CHD6: variants seen among roughly 807,000 people sequenced by gnomAD.
The protein encoded by CHD6 is chromodomain helicase DNA binding protein 6, also known as ATP-dependent chromatin remodeler CHD6.
CHD6 carries 50 observed loss-of-function variants against 276.9 expected under a neutral mutation model. The observed-to-expected ratio is 0.18, with a 90% confidence interval of 0.14 to 0.23. CHD6 has a LOEUF of 0.23. Ranked by LOEUF, CHD6 falls within the 10% of genes least tolerant of loss-of-function variation. The pLI is 1.00. For missense variants in CHD6, 2,564 were observed against 3,365.8 expected, an observed-to-expected ratio of 0.76 and a Z score of 5.89; for synonymous variants, 1,173 against 1,229.3, an observed-to-expected ratio of 0.95 and a Z score of 0.96.
rs183333312 is a variant in CHD6, at chr20:41,616,118, T to C, written c.-24+2222A>G. Among the ~76,000 whole-genome samples the C allele has an allele frequency of 7.1e-4, 108 of 152,356 alleles. No individual in the cohort carries two copies. The East Asian group carries it at 0.019, about 26-fold the overall frequency. ...TAACTGCCAAAGGTTCTTCCAGAAA[T>C]GCAGCAGTTAGTCGTATTTCTCCCA... On this transcript the variant is annotated intron_variant, in intron 1 of 36. Transcript: ENST00000373233.
intron 1 of CHD6, among the ~76,000 whole-genome samples, chr20:41,564,852 C>T (rs566338268): frequency 1.3e-4 from 20 of 152,190 alleles, no homozygotes; most frequent in African/African-American, 4.6e-4. Flanking sequence ...TCTCAAAATG[C>T]CTGGCTAGGC....
At position 41,499,278 on chromosome 20, in the gene CHD6, A is replaced by G; in HGVS notation, c.915+17T>C. On this transcript the variant is annotated intron_variant, in intron 6 of 36. Coordinates refer to ENST00000373233, the MANE Select transcript of CHD6 (RefSeq NM_032221.5). ...TCTGTGCTAATGATATAAAAGCTAG[A>G]AACATGAGCCACCAACCTCCTGGAC... 6.3e-7 allele frequency: 1 copy of G among 1,591,022 alleles called. No individual in the cohort carries two copies. The highest frequency in any genetic ancestry group is 1.1e-5 in the South Asian group (1 of 87,340).
At chr20:41,433,834 T>C (rs2047619853) in intron 27 of CHD6, among the ~76,000 whole-genome samples, 1 of 152,138 alleles carries the variant, frequency 6.6e-6, no homozygotes, top group Non-Finnish European at 1.5e-5. Flanking sequence ...GGAACAAAAA[T>C]GGAAGTAAGG....
At position 41,420,551 on chromosome 20, in the gene CHD6, C is replaced by T. The variant is rs199683062; in HGVS notation, c.6084G>A (p.Glu2028=). The change falls in exon 31 of 37, where the codon GAG becomes GAA. Residue 2028 remains glutamate, a synonymous_variant. Coordinates refer to ENST00000373233, the MANE Select transcript of CHD6 (RefSeq NM_032221.5). ...SELKSEDMDF[E]NKDDYDRDGN... is the part of the protein sequence containing the mutation. The stretch of plus-strand genomic sequence containing the variant: ...CGTCTCTATCATAATCATCTTTATT[C>T]TCAAAATCCATGTCTTCTGATTTGA... 2 of 1,613,768 alleles carry T rather than the reference C, an allele frequency of 1.2e-6. No homozygotes were observed. The highest frequency in any genetic ancestry group is 1.7e-5 in the Admixed American group (1 of 59,998).
At chr20:41,429,278 C>T (rs922857315) in intron 27 of CHD6, among the ~76,000 whole-genome samples, 1 of 152,242 alleles carries the variant, frequency 6.6e-6, no homozygotes, top group Non-Finnish European at 1.5e-5. Context: ...AGGCTCCAGA[C>T]CATTCCAACC....
intron 33 of CHD6, 58 bp downstream of exon 33, chr20:41,416,526 CAGAG>C: frequency 6.8e-7 from 1 of 1,467,796 alleles, no homozygotes; most frequent in African/African-American, 1.4e-5. Context: ...ATGAACTCAA[CAGAG>C]ACGTGGAACA....
At chr20:41,586,235 C>T (rs1044201608) in intron 1 of CHD6, among the ~76,000 whole-genome samples, 7 of 152,178 alleles carry the variant, frequency 4.6e-5, no homozygotes, top group African/African-American at 7.2e-5. Flanking sequence ...GCTGAGCTTT[C>T]GCTCCCTGTC....
chr20:41,536,598 C>T (rs1027190129), intron 2 of CHD6, among the ~76,000 whole-genome samples: 1 of 152,180 alleles, frequency 6.6e-6, no homozygotes, highest in Non-Finnish European at 1.5e-5. Context: ...GTATCTGCTA[C>T]AGAATCTTCT....
chr20:41,555,327 C>T (rs1186214324), intron 1 of CHD6, among the ~76,000 whole-genome samples: 1 of 144,538 alleles, frequency 6.9e-6, no homozygotes, highest in African/African-American at 2.6e-5. Context: ...AGGCGCCCCT[C>T]ACCTCCCGGA....
chr20:41,537,267 C>A (rs184280241), intron 2 of CHD6, among the ~76,000 whole-genome samples: 2 of 152,032 alleles, frequency 1.3e-5, no homozygotes, highest in East Asian at 3.9e-4. Context: ...TGGAGTCAAC[C>A]GAGGATTGAA....
intron 3 of CHD6, among the ~76,000 whole-genome samples, chr20:41,524,647 C>T (rs2044484821): frequency 6.6e-6 from 1 of 152,212 alleles, no homozygotes; most frequent in African/African-American, 2.4e-5. Context: ...CAAATACGCT[C>T]ATGCTTCTAG....
chr20:41,516,381 C>T (rs959395116), intron 3 of CHD6, among the ~76,000 whole-genome samples: 7 of 152,038 alleles, frequency 4.6e-5, no homozygotes, highest in African/African-American at 1.7e-4. Flanking sequence ...ATCATGTTGG[C>T]CAGGCTGGTC....
chr20:41,411,445 TGAGCATCTTCAG>T (rs2046838207), intron 36 of CHD6, among the ~76,000 whole-genome samples: 1 of 152,092 alleles, frequency 6.6e-6, no homozygotes, highest in African/African-American at 2.4e-5. Flanking sequence ...AAAGTCCCCA[TGAGCATCTTCAG>T]GAGCTCCCTA....
rs370012274 is a variant in CHD6 at position 41,483,341 on chromosome 20, G to A, written c.2436C>T (p.Leu812=). Residue 812 remains leucine (L), a synonymous_variant, in exon 16 of 37, where the codon CTC becomes CTT. Transcript: ENST00000373233. ...GGATGAGGTAATCTTCTAGGATGTC[G>A]AGGCAGCGCACCATCTGGGAGAAGA... is the stretch of plus-strand genomic sequence containing the variant. ...VLIFSQMVRC[L]DILEDYLIQR... 4.4e-5 allele frequency: 71 copies of A among 1,613,430 alleles called. No individual in the cohort carries two copies. The East Asian group carries it at 1.2e-3, about 26-fold the overall frequency.
At chr20:41,599,183 T>C (rs1388133826) in intron 1 of CHD6, among the ~76,000 whole-genome samples, 1 of 152,208 alleles carries the variant, frequency 6.6e-6, no homozygotes, top group East Asian at 1.9e-4. Context: ...AATTAGGTCC[T>C]AACAGCCAAA....
intron 27 of CHD6, among the ~76,000 whole-genome samples, chr20:41,428,928 A>G (rs1175084671): frequency 8.5e-5 from 13 of 152,198 alleles, no homozygotes; most frequent in Non-Finnish European, 1.8e-4. Flanking sequence ...ATTTGAGTTC[A>G]CAGAACCCTC....
chr20:41,491,285 T>C (rs1314559268), intron 11 of CHD6, among the ~76,000 whole-genome samples: 1 of 149,032 alleles, frequency 6.7e-6, no homozygotes, highest in Non-Finnish European at 1.5e-5. Flanking sequence ...AGTTTTTGTA[T>C]AGCTGTATAT....
rs140522513 is a variant in CHD6 at position 41,496,648 on chromosome 20, C to T, written c.1092+736G>A. ...TGAACTACTCGTCAGTATTATTCCT[C>T]CTTAATTTCATGTGTTCCAATCTTC... On this transcript the variant is annotated intron_variant, in intron 8 of 36. Coordinates refer to ENST00000373233, the MANE Select transcript of CHD6 (RefSeq NM_032221.5). Among the ~76,000 whole-genome samples, 854 of 152,326 alleles carry T rather than the reference C, an allele frequency of 5.6e-3. 8 individuals are homozygous for T. Among genetic ancestry groups the T allele is most frequent in the Middle Eastern group, 0.024 (7 of 294 alleles).
At chr20:41,511,009 C>T (rs1160671586) in intron 5 of CHD6, among the ~76,000 whole-genome samples, 1 of 152,186 alleles carries the variant, frequency 6.6e-6, no homozygotes, top group Non-Finnish European at 1.5e-5. Flanking sequence ...ATGCTAGTCA[C>T]TGATTAACTG....
Sources: gnomAD v4.1 joint callset for allele counts (sites outside exome capture counted in the v4.1 genomes callset) on GRCh38, gnomAD v4.1.1 for gene constraint, MANE v1.5 for transcripts, NCBI Gene and HGNC (gene_info 2026-07-23, HGNC 2026-07-21) for gene names.